Variants in TAOK3 observed in about 807,000 individuals in gnomAD.
The protein encoded by TAOK3 is serine/threonine-protein kinase TAO3.
Under a neutral mutation model 120.4 loss-of-function variants are expected in TAOK3, and 40 were observed. The observed-to-expected ratio is 0.33, with a 90% CI of 0.26 to 0.43. The LOEUF (loss-of-function observed/expected upper bound fraction) is 0.43, where lower values mean the gene tolerates loss of function less well. Among genes scored for constraint, TAOK3 ranks in the 20% least tolerant of loss-of-function variants. TAOK3 has a pLI of 1.00. For missense variants in TAOK3, 821 were observed against 1,112.1 expected (o/e 0.74, Z 3.72); for synonymous variants, 355 against 387.5 (o/e 0.92, Z 0.99).
chr12:118,285,395 C>T (rs1422299046), intron 1 of TAOK3, among the ~76,000 whole-genome samples: 1 of 151,388 alleles, frequency 6.6e-6, no homozygotes, highest in Non-Finnish European at 1.5e-5. Context: ...TCTTGTCCCC[C>T]AGGCTGGAGT....
chr12:118,253,953 G>A (rs968585086), intron 3 of TAOK3, among the ~76,000 whole-genome samples: 5 of 152,050 alleles, frequency 3.3e-5, no homozygotes, highest in African/African-American at 1.2e-4. Flanking sequence ...GAAGGCTGAC[G>A]CAGGAGAATT....
At chr12:118,362,389 A>G (rs1175428278) in intron 1 of TAOK3, among the ~76,000 whole-genome samples, 1 of 151,942 alleles carries the variant, frequency 6.6e-6, no homozygotes, top group African/African-American at 2.4e-5. Flanking sequence ...AAAGTTTACA[A>G]ATTTGTGTTG....
chr12:118,220,740 G>C (rs1169380617), intron 9 of TAOK3, among the ~76,000 whole-genome samples: 2 of 152,058 alleles, frequency 1.3e-5, no homozygotes, highest in Non-Finnish European at 2.9e-5. Context: ...TAAGTAGCAA[G>C]CACTCTGCCT....
rs370735337 is a variant in TAOK3 at position 118,181,907 on chromosome 12, G to A, written c.1330-300C>T. Among the ~76,000 whole-genome samples, 10 of 152,222 alleles carry A rather than the reference G, an allele frequency of 6.6e-5. 1 individual carries two copies. In the East Asian group the frequency reaches 1.7e-3, roughly 26 times the overall value. ...TTGAAAGAAACTCTTTATTCAGGCC[G>A]GGCACGATGGCTTACGCCTGTAATC... On this transcript the variant is annotated intron_variant, in intron 14 of 20. Transcript: ENST00000392533.
chr12:118,314,590 G>C (rs1188021541), intron 1 of TAOK3, among the ~76,000 whole-genome samples: 2 of 152,092 alleles, frequency 1.3e-5, no homozygotes, highest in African/African-American at 2.4e-5. Flanking sequence ...TAAATCATTA[G>C]CACTAAAACC....
intron 9 of TAOK3, among the ~76,000 whole-genome samples, chr12:118,226,386 T>C (rs748865584): frequency 6.7e-6 from 1 of 148,794 alleles, no homozygotes; most frequent in Non-Finnish European, 1.5e-5. Context: ...AAAAAAAAAT[T>C]AGCCGGGCGT....
intron 1 of TAOK3, among the ~76,000 whole-genome samples, chr12:118,327,249 A>G (rs1025250029): frequency 6.6e-6 from 1 of 152,172 alleles, no homozygotes; most frequent in African/African-American, 2.4e-5. Flanking sequence ...GGCTTTATGT[A>G]TATTATATCA....
intron 3 of TAOK3, among the ~76,000 whole-genome samples, chr12:118,249,225 A>G (rs1259672532): frequency 6.6e-6 from 1 of 152,202 alleles, no homozygotes; most frequent in African/African-American, 2.4e-5. Flanking sequence ...TTTTACAGCT[A>G]TACCTTTTGC....
chr12:118,360,494 G>A (rs891672882), intron 1 of TAOK3, among the ~76,000 whole-genome samples: 1 of 146,566 alleles, frequency 6.8e-6, no homozygotes, highest in Non-Finnish European at 1.5e-5. Context: ...CGTGAACCAG[G>A]AAGGCGGAGC....
Position 118,244,899 on chromosome 12 carries a change from G to T in TAOK3, c.187C>A (p.His63Asn). The T allele has an allele frequency of 6.2e-7, 1 of 1,603,458 alleles. No homozygotes were observed. Among genetic ancestry groups the T allele is most frequent in the South Asian group, 1.1e-5 (1 of 90,860 alleles). The change falls in exon 4 of 21, where the codon CAT becomes AAT. Residue 63 changes from histidine (H) to asparagine (N), a missense_variant. Around this residue, in one of 2 missense-constraint regions of TAOK3, gnomAD observed 467 missense variants for 540.0 expected, o/e 0.86. Transcript: ENST00000392533. ...TACAACTGTCTCTATCTCACCTCAT[G>T]GGTCTGCTTCCCACTATAGGACATC... is the stretch of plus-strand genomic sequence containing the variant. ...KKMSYSGKQT[H>N]EKWQDILKEV...
chr12:118,285,607 C>T (rs1170890773), intron 1 of TAOK3, among the ~76,000 whole-genome samples: 1 of 152,224 alleles, frequency 6.6e-6, no homozygotes, highest in African/African-American at 2.4e-5. Flanking sequence ...CCTGCCTTGG[C>T]CTCCCAAAGT....
chr12:118,371,706 A>G lies in TAOK3; in HGVS notation c.-194+942T>C, dbSNP rs1321851824. 6.6e-6 allele frequency among the ~76,000 whole-genome samples: 1 copy of G among 151,900 alleles called. No homozygotes were observed. Among genetic ancestry groups the G allele is most frequent in the African/African-American group, 2.4e-5 (1 of 41,376 alleles). On this transcript the variant is annotated intron_variant, in intron 1 of 20. Transcript: ENST00000392533. This position sits in a 1 kb window ranked among gnomAD's most constrained non-coding sequence, Gnocchi z 5.5. ...GTTCTTGGGGGGGCTCCCGCAACTC[A>G]GCGGGCGCGACCCCCCGCCCGCTCC...
intron 19 of TAOK3, 92 bp from the exon 20 acceptor site, chr12:118,152,501 C>G: frequency 8.2e-6 from 11 of 1,334,272 alleles, no homozygotes; most frequent in Non-Finnish European, 1.1e-5. Context: ...GAGGTTTCCT[C>G]ATTTGGATTG....
At chr12:118,236,694 C>G (rs575488458) in intron 7 of TAOK3, 3 of 151,568 alleles carry the variant, frequency 2.0e-5, no homozygotes, top group East Asian at 1.9e-4. Flanking sequence ...GCAGACAGAA[C>G]TAAAAAAAAA....
intron 1 of TAOK3, among the ~76,000 whole-genome samples, chr12:118,343,125 A>G (rs1373579383): frequency 6.6e-6 from 1 of 151,982 alleles, no homozygotes; most frequent in East Asian, 1.9e-4. Context: ...ATCAAAACAT[A>G]AATTTTTAAT....
intron 11 of TAOK3, among the ~76,000 whole-genome samples, chr12:118,203,168 A>G (rs1169491129): frequency 6.6e-6 from 1 of 151,862 alleles, no homozygotes; most frequent in Non-Finnish European, 1.5e-5. Flanking sequence ...TTTGTTCTCT[A>G]TTTCTGTGGC....
At chr12:118,315,635 A>G (rs2043429329) in intron 1 of TAOK3, among the ~76,000 whole-genome samples, 1 of 152,208 alleles carries the variant, frequency 6.6e-6, no homozygotes. Context: ...GAGAGATAGG[A>G]TCATGGATAT....
chr12:118,338,990 C>T (rs1194648102), intron 1 of TAOK3, among the ~76,000 whole-genome samples: 2 of 151,514 alleles, frequency 1.3e-5, no homozygotes, highest in African/African-American at 4.9e-5. Context: ...CATTGCGTAC[C>T]CTGGGACCAG....
At chr12:118,225,598 C>T (rs1161422122) in intron 9 of TAOK3, among the ~76,000 whole-genome samples, 1 of 152,104 alleles carries the variant, frequency 6.6e-6, no homozygotes, top group Non-Finnish European at 1.5e-5. Context: ...TCTACAATCA[C>T]ATTTCTTTGA....
Sources: gnomAD v4.1 joint callset for allele counts (sites outside exome capture counted in the v4.1 genomes callset) on GRCh38, gnomAD v4.1.1 for gene constraint, gnomAD v4.1.1 regional missense constraint, Gnocchi (gnomAD v3.1) non-coding constraint, MANE v1.5 for transcripts, NCBI Gene and HGNC (gene_info 2026-07-23, HGNC 2026-07-21) for gene names.